The following LUZP2 variants were observed in gnomAD, a reference collection of about 807,000 sequenced individuals.
LUZP2 encodes the protein leucine zipper protein 2.
A neutral mutation model predicts 51.6 loss-of-function variants in LUZP2; 52 were observed. The ratio of observed to expected loss-of-function variants is 1.01; its 90% CI spans 0.81 to 1.27. The LOEUF (loss-of-function observed/expected upper bound fraction) is 1.27, where lower values mean the gene tolerates loss of function less well. Ranked by LOEUF, LUZP2 falls within the 50% of genes most tolerant of loss-of-function variation. The pLI is 0.00. For synonymous variants in LUZP2, 154 were observed against 137.3 expected, an observed-to-expected ratio of 1.12 and a Z score of -0.85; for missense variants, 436 against 395.4, an observed-to-expected ratio of 1.10 and a Z score of -0.87.
intron 5 of LUZP2, among the ~76,000 whole-genome samples, chr11:24,781,545 A>C (rs963603133): frequency 4.0e-5 from 6 of 150,994 alleles, no homozygotes; most frequent in Non-Finnish European, 5.9e-5. Context: ...TTTCTCCATC[A>C]GTCATGAAGA....
intron 5 of LUZP2, among the ~76,000 whole-genome samples, chr11:24,863,891 C>T (rs1415482763): frequency 1.3e-5 from 2 of 152,032 alleles, no homozygotes; most frequent in Admixed American, 1.3e-4. Flanking sequence ...CATAATGATA[C>T]CTCACATCTG....
intron 1 of LUZP2, among the ~76,000 whole-genome samples, chr11:24,559,094 G>A (rs1412926569): frequency 1.3e-5 from 2 of 152,144 alleles, no homozygotes; most frequent in East Asian, 3.8e-4. Context: ...GGAAACTCCT[G>A]TAGATTACAT....
intron 1 of LUZP2, among the ~76,000 whole-genome samples, chr11:24,561,350 G>A (rs1409339963): frequency 6.6e-6 from 1 of 152,028 alleles, no homozygotes; most frequent in East Asian, 1.9e-4. Flanking sequence ...AATAACTTAT[G>A]AGAAATATTT....
chr11:24,790,863 G>C (rs1206687361), intron 5 of LUZP2, among the ~76,000 whole-genome samples: 1 of 152,088 alleles, frequency 6.6e-6, no homozygotes, highest in Non-Finnish European at 1.5e-5. Context: ...TATTGTTCAA[G>C]TGTTCCAGAC....
intron 5 of LUZP2, among the ~76,000 whole-genome samples, chr11:24,895,064 A>C (rs1852994196): frequency 6.6e-6 from 1 of 152,202 alleles, no homozygotes; most frequent in South Asian, 2.1e-4. Context: ...GAGATTCTCA[A>C]ATTTTTAATC....
intron 1 of LUZP2, among the ~76,000 whole-genome samples, chr11:24,498,708 CA>C (rs1228171275): frequency 6.6e-6 from 1 of 152,118 alleles, no homozygotes; most frequent in Non-Finnish European, 1.5e-5. Flanking sequence ...CTCAACAGTT[CA>C]ATACAAATTA....
intron 7 of LUZP2, among the ~76,000 whole-genome samples, chr11:24,950,596 T>A (rs1280016825): frequency 6.6e-6 from 1 of 151,630 alleles, no homozygotes; most frequent in South Asian, 2.1e-4. Context: ...TTAGCAGTTC[T>A]TTTTGTCTTT....
At chr11:24,605,400 GC>G (rs1393773411) in intron 1 of LUZP2, among the ~76,000 whole-genome samples, 3 of 151,602 alleles carry the variant, frequency 2.0e-5, no homozygotes, top group African/African-American at 7.3e-5. Flanking sequence ...GTATTACAAT[GC>G]CTTGAATCTG....
rs369496967 is a variant in LUZP2, at chr11:25,003,610, G to A, written c.765+20317G>A. 7.2e-5 allele frequency among the ~76,000 whole-genome samples: 11 copies of A among 152,242 alleles called. No homozygotes were observed. In the East Asian group the frequency reaches 7.7e-4, roughly 11 times the overall value. On this transcript the variant is annotated intron_variant, in intron 9 of 11. Transcript: ENST00000336930. ...CTTACTAAACCTTGAGCTTTTAAAC[G>A]TTTAACAATATCCTGTAATCCTTTA...
chr11:24,974,196 T>G (rs1430581157), intron 7 of LUZP2, among the ~76,000 whole-genome samples: 2 of 152,196 alleles, frequency 1.3e-5, no homozygotes, highest in African/African-American at 4.8e-5. Context: ...AATGCCCTTC[T>G]TTATCTTTTT....
chr11:25,028,183 G>A (rs888660206), intron 9 of LUZP2, among the ~76,000 whole-genome samples: 1 of 152,086 alleles, frequency 6.6e-6, no homozygotes, highest in African/African-American at 2.4e-5. Context: ...ATCATTTCAA[G>A]CATTTATCCT....
chr11:24,957,919 A>C (rs1208504726), intron 7 of LUZP2, among the ~76,000 whole-genome samples: 2 of 152,018 alleles, frequency 1.3e-5, no homozygotes, highest in African/African-American at 2.4e-5. Flanking sequence ...ACCCCACAAC[A>C]GTCCCCAGAG....
chr11:25,068,317 AAAAAT>A (rs1393728585), intron 10 of LUZP2, among the ~76,000 whole-genome samples: 3 of 152,046 alleles, frequency 2.0e-5, no homozygotes, highest in African/African-American at 7.2e-5. Context: ...AGTATGGTTA[AAAAAT>A]AAAATAAAAA....
At chr11:24,590,465 A>C (rs765515034) in intron 1 of LUZP2, among the ~76,000 whole-genome samples, 3 of 152,206 alleles carry the variant, frequency 2.0e-5, no homozygotes, top group Middle Eastern at 3.4e-3. Context: ...GCATATCCTC[A>C]ATTAGAAATG....
rs531972800 is a variant in LUZP2 at position 24,814,454 on chromosome 11, G to A, written c.396+51146G>A. On this transcript the variant is annotated intron_variant, in intron 5 of 11. Transcript: ENST00000336930. ...TGTATGTGGTCCTTGAGGGCTTTAT[G>A]AAAGAGTCTTCCTTCTGATATATGT... 2.2e-3 allele frequency among the ~76,000 whole-genome samples: 330 copies of A among 152,270 alleles called. 2 individuals are homozygous for A. Among genetic ancestry groups the A allele is most frequent in the African/African-American group, 7.6e-3 (317 of 41,572 alleles).
intron 1 of LUZP2, among the ~76,000 whole-genome samples, chr11:24,531,065 T>TATTATTATTATTATTATA (rs56935474): frequency 6.9e-6 from 1 of 145,692 alleles, no homozygotes; most frequent in African/African-American, 2.6e-5. Context: ...TTATTATTAT[T>TATTATTATTATTATTATA]TTGCCAGTGG....
intron 1 of LUZP2, among the ~76,000 whole-genome samples, chr11:24,588,354 C>T (rs1487358375): frequency 6.6e-6 from 1 of 152,182 alleles, no homozygotes; most frequent in African/African-American, 2.4e-5. Context: ...TCTGAAGCTG[C>T]GATTGACCAC....
intron 1 of LUZP2, among the ~76,000 whole-genome samples, chr11:24,685,483 A>C (rs969987650): frequency 1.1e-4 from 16 of 152,088 alleles, no homozygotes; most frequent in Admixed American, 6.6e-4. Flanking sequence ...CAGATACCAC[A>C]TGTTCTTCCC....
At chr11:24,569,795 C>T (rs913778361) in intron 1 of LUZP2, among the ~76,000 whole-genome samples, 2 of 151,852 alleles carry the variant, frequency 1.3e-5, no homozygotes, top group African/African-American at 4.8e-5. Context: ...ATAACTACTT[C>T]ACTTGGAAAA....
Sources: gnomAD v4.1 joint callset for allele counts (sites outside exome capture counted in the v4.1 genomes callset) on GRCh38, gnomAD v4.1.1 for gene constraint, MANE v1.5 for transcripts, NCBI Gene and HGNC (gene_info 2026-07-23, HGNC 2026-07-21) for gene names.